STPG2: variants seen among roughly 807,000 people sequenced by gnomAD.
The protein encoded by STPG2 is sperm-tail PG-rich repeat-containing protein 2.
STPG2 carries 56 observed loss-of-function variants against 54.2 expected under a neutral mutation model. That is an observed-to-expected ratio of 1.03 (90% CI 0.83 to 1.29). The LOEUF is 1.29. STPG2 is among the 50% of genes most tolerant of loss of function. STPG2 has a pLI of 0.00. For missense variants in STPG2, 596 were observed against 544.9 expected (o/e 1.09, Z -0.93); for synonymous variants, 200 against 181.8 (o/e 1.10, Z -0.81).
chr4:97,900,905 A>G (rs1205460065), intron 8 of STPG2, among the ~76,000 whole-genome samples: 1 of 152,044 alleles, frequency 6.6e-6, no homozygotes, highest in African/African-American at 2.4e-5. Flanking sequence ...AAACCTTCAT[A>G]TGTATCCTCA....
At chr4:97,604,298 T>G (rs1413784804) in intron 10 of STPG2, among the ~76,000 whole-genome samples, 1 of 151,682 alleles carries the variant, frequency 6.6e-6, no homozygotes, top group Non-Finnish European at 1.5e-5. Context: ...CACATTGAAT[T>G]GAACTGGGAA....
chr4:97,961,141 G>A (rs1337400180), intron 7 of STPG2, among the ~76,000 whole-genome samples: 1 of 149,478 alleles, frequency 6.7e-6, no homozygotes, highest in Non-Finnish European at 1.5e-5. Context: ...AAATTGGCGA[G>A]CCAAATGTAG....
At chr4:97,443,973 G>A (rs1729155484) in intron 4 of STPG2, among the ~76,000 whole-genome samples, 1 of 151,928 alleles carries the variant, frequency 6.6e-6, no homozygotes, top group Admixed American at 6.6e-5. Context: ...CTATGTAACT[G>A]GAATTTACAA....
intron 9 of STPG2, among the ~76,000 whole-genome samples, chr4:97,721,829 T>C (rs907940356): frequency 5.9e-5 from 9 of 152,082 alleles, no homozygotes; most frequent in Non-Finnish European, 1.0e-4. Context: ...GGAGACAGTA[T>C]CCAGAGACTC....
chr4:97,868,751 T>C (rs1385632740), intron 8 of STPG2, among the ~76,000 whole-genome samples: 1 of 151,892 alleles, frequency 6.6e-6, no homozygotes, highest in Non-Finnish European at 1.5e-5. Flanking sequence ...ATCTGAGATC[T>C]GTAAATCTCC....
At chr4:97,466,061 C>T (rs1384690393) in intron 4 of STPG2, among the ~76,000 whole-genome samples, 7 of 151,924 alleles carry the variant, frequency 4.6e-5, no homozygotes, top group Non-Finnish European at 8.8e-5. Flanking sequence ...TTTGCTTCTA[C>T]AAGGTTCCAG....
chr4:97,568,086 T>C (rs1057329958), intron 10 of STPG2, among the ~76,000 whole-genome samples: 1 of 152,112 alleles, frequency 6.6e-6, no homozygotes. Context: ...CCAACTTTCA[T>C]TTCAAATGAA....
intron 5 of STPG2, among the ~76,000 whole-genome samples, chr4:98,072,613 T>TAAAAC (rs1560666429): frequency 0.081 from 10,972 of 134,994 alleles, 538 homozygotes; most frequent in African/African-American, 0.12. Context: ...TAAAATAAAA[T>TAAAAC]AAAACAAAAC....
chr4:97,712,959 A>G (rs1724172097), intron 9 of STPG2, 145 bp from the exon 10 acceptor site: 1 of 488,326 alleles, frequency 2.0e-6, no homozygotes, highest in African/African-American at 2.0e-5. Flanking sequence ...GCTTAAAATC[A>G]TTTGGTTTAT....
intron 9 of STPG2, among the ~76,000 whole-genome samples, chr4:97,831,425 G>T (rs953958957): frequency 6.6e-6 from 1 of 151,728 alleles, no homozygotes; most frequent in Non-Finnish European, 1.5e-5. Context: ...AAGTAGGAAA[G>T]ATCTAAAATT....
At chr4:98,132,881 T>G in intron 2 of STPG2, among the ~76,000 whole-genome samples, 1 of 142,934 alleles carries the variant, frequency 7.0e-6, no homozygotes, top group South Asian at 2.2e-4. Context: ...AAATCAGAGA[T>G]GGGAATTCGT....
At chr4:98,084,372 T>C (rs1738444239) in intron 5 of STPG2, among the ~76,000 whole-genome samples, 1 of 152,196 alleles carries the variant, frequency 6.6e-6, no homozygotes, top group Non-Finnish European at 1.5e-5. Flanking sequence ...AACATTTGGG[T>C]TGTTTTCAGT....
intron 9 of STPG2, among the ~76,000 whole-genome samples, chr4:97,796,825 G>T: frequency 6.6e-6 from 1 of 152,290 alleles, no homozygotes; most frequent in South Asian, 2.1e-4. Context: ...TCCTATCCAT[G>T]AGCCTGGAAT....
intron 10 of STPG2, among the ~76,000 whole-genome samples, chr4:97,682,832 C>A (rs1723074666): frequency 6.6e-6 from 1 of 151,758 alleles, no homozygotes; most frequent in African/African-American, 2.4e-5. Flanking sequence ...CTAACCATTA[C>A]TCTATCATCC....
rs549626005 is a variant in STPG2, at chr4:98,124,526, G to A, written c.387+3902C>T. ...GGCCCCCAATCTCTTCTAGCTTGTA[G>A]GGTTTCTGCTGAGAGGTCCACTCTT... On this transcript the variant is annotated intron_variant, in intron 3 of 10. Transcript: ENST00000295268. Among the ~76,000 whole-genome samples, 264 of 152,244 alleles carry A rather than the reference G, an allele frequency of 1.7e-3. 2 individuals are homozygous for A. Among genetic ancestry groups the A allele is most frequent in the African/African-American group, 5.9e-3 (246 of 41,534 alleles).
At chr4:97,831,712 C>T (rs1203952740) in intron 9 of STPG2, among the ~76,000 whole-genome samples, 1 of 152,146 alleles carries the variant, frequency 6.6e-6, no homozygotes. Context: ...CACAAAAATA[C>T]AAACTACCAT....
chr4:98,109,777 A>G (rs1290007455), intron 3 of STPG2, among the ~76,000 whole-genome samples: 8 of 152,186 alleles, frequency 5.3e-5, no homozygotes. Flanking sequence ...AGTTAGAAAT[A>G]CTTAACAATA....
intron 8 of STPG2, among the ~76,000 whole-genome samples, chr4:97,892,799 C>A (rs1435021349): frequency 6.6e-6 from 1 of 152,100 alleles, no homozygotes; most frequent in African/African-American, 2.4e-5. Flanking sequence ...AAGAGAATCC[C>A]CCTAAGGCAC....
chr4:97,915,044 A>G (rs1731820438), intron 8 of STPG2, among the ~76,000 whole-genome samples: 1 of 152,180 alleles, frequency 6.6e-6, no homozygotes, highest in Admixed American at 6.5e-5. Context: ...CAATTTGTTT[A>G]TCCATTCATC....
Sources: gnomAD v4.1 joint callset for allele counts (sites outside exome capture counted in the v4.1 genomes callset) on GRCh38, gnomAD v4.1.1 for gene constraint, MANE v1.5 for transcripts, NCBI Gene and HGNC (gene_info 2026-07-23, HGNC 2026-07-21) for gene names.